ZNF618: variants seen among roughly 807,000 people sequenced by gnomAD.
ZNF618 encodes the protein zinc finger protein 618.
A neutral mutation model predicts 103.0 loss-of-function variants in ZNF618; 34 were observed. The ratio of observed to expected loss-of-function variants is 0.33; its 90% confidence interval spans 0.25 to 0.44. ZNF618 has a LOEUF of 0.44. Among genes scored for constraint, ZNF618 ranks in the 20% least tolerant of loss-of-function variants. The pLI, the probability that ZNF618 is intolerant of heterozygous loss-of-function variation, is 1.00. For missense variants in ZNF618, 1,059 were observed against 1,295.4 expected (o/e 0.82, Z 2.80); for synonymous variants, 551 against 542.2 (o/e 1.02, Z -0.23).
chr9:113,951,460 C>CTT (rs1554732924), intron 1 of ZNF618, among the ~76,000 whole-genome samples: 1 of 18,328 alleles, frequency 5.5e-5, no homozygotes. Flanking sequence ...TGTATATATA[C>CTT]ATATATGTGT....
In ZNF618 at chr9:114,050,442, G is replaced by GCACACACA. The variant is rs113819665; in HGVS notation, c.*301_*308dup. 217 of 210,438 alleles carry GCACACACA rather than the reference G, an allele frequency of 1.0e-3. 1 individual carries two copies. Among genetic ancestry groups the GCACACACA allele is most frequent in the African/African-American group, 4.6e-3 (188 of 40,892 alleles). The allele number at this position is 210,438 out of a possible 1,614,324, so 13.0% of individuals were successfully genotyped here. A position where few individuals can be genotyped will look rare whatever the true frequency, so the allele number is the denominator to read the frequency against. On this transcript the variant is annotated 3_prime_UTR_variant, in exon 15 of 15. Transcript: ENST00000374126. ...ATGGCCAGAGAAACTTTGCACACACGCACACACACACACACACACACACAC... is the reference window on the plus strand; with the variant it reads ...ATGGCCAGAGAAACTTTGCACACACGCACACACACACACACACACACACACACACACAC...
chr9:114,049,392 T>C lies in ZNF618; in HGVS notation c.2090T>C (p.Val697Ala). The C allele has an allele frequency of 6.2e-7, 1 of 1,604,162 alleles. No homozygotes were observed. Among genetic ancestry groups the C allele is most frequent in the Non-Finnish European group, 8.5e-7 (1 of 1,175,626 alleles). ...ETSPPPCWNS[V>A]TDSLLLVHER... ...TCTCCACCACCCTGCTGGAACTCGG[T>C]GACGGACTCACTGTTGCTGGTGCAT... is the stretch of plus-strand genomic sequence containing the variant. Residue 697 changes from valine (V) to alanine (A), a missense_variant, in exon 15 of 15, where the codon GTG (valine) becomes GCG (alanine). This residue lies in a region of ZNF618 where 272 missense variants were observed against 380.1 expected (regional missense o/e 0.72). Coordinates refer to ENST00000374126, the MANE Select transcript of ZNF618 (RefSeq NM_001318042.2).
intron 1 of ZNF618, among the ~76,000 whole-genome samples, chr9:113,876,829 C>A (rs547836277): frequency 6.6e-6 from 1 of 150,820 alleles, no homozygotes; most frequent in South Asian, 2.1e-4. Flanking sequence ...CCGATGACCC[C>A]CCGGGAGGTC....
intron 1 of ZNF618, among the ~76,000 whole-genome samples, chr9:113,881,886 G>T (rs1361165748): frequency 6.6e-6 from 1 of 152,190 alleles, no homozygotes; most frequent in Non-Finnish European, 1.5e-5. Flanking sequence ...CCACTGTGCT[G>T]TAGTTAAAAA....
intron 10 of ZNF618, among the ~76,000 whole-genome samples, chr9:114,018,289 G>C (rs1842805568): frequency 6.6e-6 from 1 of 152,228 alleles, no homozygotes; most frequent in African/African-American, 2.4e-5. Flanking sequence ...CAGGCAGCAG[G>C]GCTGTGGTCG....
chr9:113,957,273 A>C (rs1438150830), intron 1 of ZNF618, among the ~76,000 whole-genome samples: 1 of 152,194 alleles, frequency 6.6e-6, no homozygotes, highest in Admixed American at 6.5e-5. Context: ...TAGACTCTCT[A>C]TCACTTCATC....
chr9:113,961,638 C>T (rs1190046526), intron 1 of ZNF618, among the ~76,000 whole-genome samples: 1 of 152,196 alleles, frequency 6.6e-6, no homozygotes, highest in Non-Finnish European at 1.5e-5. Context: ...AACACAAAAA[C>T]CAAGTACAAT....
chr9:113,922,060 T>C (rs1338512146), intron 1 of ZNF618, among the ~76,000 whole-genome samples: 2 of 152,194 alleles, frequency 1.3e-5, no homozygotes, highest in Non-Finnish European at 2.9e-5. Flanking sequence ...TACTTTGATG[T>C]ATGTACTGAA....
At chr9:113,957,504 G>A (rs929976871) in intron 1 of ZNF618, among the ~76,000 whole-genome samples, 1 of 152,186 alleles carries the variant, frequency 6.6e-6, no homozygotes, top group African/African-American at 2.4e-5. Flanking sequence ...ACTGCCTCTC[G>A]AGCAAGTCAG....
At chr9:113,941,165 G>C (rs935353515) in intron 1 of ZNF618, among the ~76,000 whole-genome samples, 1 of 151,874 alleles carries the variant, frequency 6.6e-6, no homozygotes, top group African/African-American at 2.4e-5. Context: ...ATTTAAACTT[G>C]GGCAAGAATA....
At chr9:113,888,040 TG>T (rs759459602) in intron 1 of ZNF618, among the ~76,000 whole-genome samples, 64 of 152,220 alleles carry the variant, frequency 4.2e-4, no homozygotes, top group Non-Finnish European at 6.5e-4. Flanking sequence ...AAGTAGGGTT[TG>T]TTTTTTTTTT....
chr9:113,975,366 CG>C (rs1200836832), intron 2 of ZNF618, among the ~76,000 whole-genome samples: 1 of 152,190 alleles, frequency 6.6e-6, no homozygotes, highest in Non-Finnish European at 1.5e-5. Context: ...AGATTTTTCA[CG>C]GGTGGACCAT....
intron 10 of ZNF618, among the ~76,000 whole-genome samples, chr9:114,025,946 C>CA (rs1233980116): frequency 6.6e-6 from 1 of 152,210 alleles, no homozygotes; most frequent in Non-Finnish European, 1.5e-5. Context: ...GCAAGGCTGG[C>CA]AGAGTTCCTG....
At position 113,951,893 on chromosome 9, in the gene ZNF618, C is replaced by T. The variant is rs533775360; in HGVS notation, c.34-17224C>T. Among the ~76,000 whole-genome samples, 28 of 152,040 alleles carry T rather than the reference C, an allele frequency of 1.8e-4. No individual in the cohort carries two copies. The South Asian group carries it at 4.2e-3, about 23-fold the overall frequency. On this transcript the variant is annotated intron_variant, in intron 1 of 14. Transcript: ENST00000374126. ...GGGCAGATGGGACTCAAGTTGCCAC[C>T]GCAAAGCCTGGGGTGGAGACTTGGT...
intron 1 of ZNF618, among the ~76,000 whole-genome samples, chr9:113,941,796 T>C (rs1001261821): frequency 6.6e-6 from 1 of 152,228 alleles, no homozygotes; most frequent in African/African-American, 2.4e-5. Flanking sequence ...TCTTTAGTAC[T>C]TGCACCTTTT....
chr9:114,018,706 T>C (rs1842834272), intron 10 of ZNF618, among the ~76,000 whole-genome samples: 2 of 152,216 alleles, frequency 1.3e-5, no homozygotes, highest in Admixed American at 1.3e-4. Flanking sequence ...CCTGAAGGGC[T>C]GTCTACTTTT....
intron 2 of ZNF618, among the ~76,000 whole-genome samples, chr9:113,979,517 G>T (rs752201459): frequency 1.3e-5 from 2 of 152,130 alleles, no homozygotes; most frequent in African/African-American, 4.8e-5. Context: ...TATAATAAAG[G>T]CCAGATGAAT....
intron 1 of ZNF618, among the ~76,000 whole-genome samples, chr9:113,889,632 G>A (rs1040237422): frequency 1.3e-5 from 2 of 152,172 alleles, no homozygotes; most frequent in Non-Finnish European, 2.9e-5. Context: ...CATGTAGGAT[G>A]GGATATATCT....
At chr9:114,026,025 G>T (rs1843467964) in intron 10 of ZNF618, among the ~76,000 whole-genome samples, 1 of 152,326 alleles carries the variant, frequency 6.6e-6, no homozygotes, top group South Asian at 2.1e-4. Context: ...TATCATTACT[G>T]ATGGTGATCA....
Sources: gnomAD v4.1 joint callset for allele counts (sites outside exome capture counted in the v4.1 genomes callset) on GRCh38, gnomAD v4.1.1 for gene constraint, gnomAD v4.1.1 regional missense constraint, MANE v1.5 for transcripts, NCBI Gene and HGNC (gene_info 2026-07-23, HGNC 2026-07-21) for gene names.